Variants in CCR9 observed in about 807,000 individuals in gnomAD.
The protein encoded by CCR9 is C-C chemokine receptor type 9.
Under a neutral mutation model 8.7 loss-of-function variants are expected in CCR9, and 4 were observed. That is an observed-to-expected ratio of 0.46 (90% CI 0.23 to 1.06). The LOEUF (loss-of-function observed/expected upper bound fraction) is 1.06. Among genes scored for constraint, CCR9 ranks in the 50% least tolerant of loss-of-function variants. The pLI, the probability that CCR9 is intolerant of heterozygous loss-of-function variation, is 0.21. For missense variants in CCR9, 394 were observed against 453.6 expected (o/e 0.87, Z 1.19); for synonymous variants, 159 against 168.8 (o/e 0.94, Z 0.45).
intron 2 of CCR9, among the ~76,000 whole-genome samples, chr3:45,899,034 C>T (rs1702461461): frequency 6.6e-6 from 1 of 152,172 alleles, no homozygotes; most frequent in South Asian, 2.1e-4. Flanking sequence ...GGCATGGTGG[C>T]ACACGCCTGT....
At chr3:45,891,443 A>G (rs1263953762) in intron 1 of CCR9, among the ~76,000 whole-genome samples, 2 of 152,068 alleles carry the variant, frequency 1.3e-5, no homozygotes, top group African/African-American at 4.8e-5. Flanking sequence ...TTCTCTCTAT[A>G]TACATATGTT....
At chr3:45,896,503 G>T (rs1015262404) in intron 2 of CCR9, among the ~76,000 whole-genome samples, 4 of 152,210 alleles carry the variant, frequency 2.6e-5, no homozygotes, top group Non-Finnish European at 4.4e-5. Context: ...TTCCCTCAGC[G>T]TCACAGTAAA....
In CCR9 at chr3:45,902,336, G is replaced by A. The variant is rs908588026; in HGVS notation, c.*438G>A. ...CAAAAGCAGAAAGTTTCGTGAAAATGTCCATCTTTGGGAAATTTTCTACCC... is the reference window on the plus strand; with the variant it reads ...CAAAAGCAGAAAGTTTCGTGAAAATATCCATCTTTGGGAAATTTTCTACCC... On this transcript the variant is annotated 3_prime_UTR_variant, in exon 3 of 3. Transcript: ENST00000357632. 1.2e-5 allele frequency: 2 copies of A among 172,456 alleles called. No individual in the cohort carries two copies. Among genetic ancestry groups the A allele is most frequent in the Admixed American group, 1.3e-4 (2 of 15,910 alleles). 10.7% of individuals were successfully genotyped at this position (172,456 alleles called of 1,614,324 possible).
chr3:45,890,894 T>C (rs936998994), intron 1 of CCR9, among the ~76,000 whole-genome samples: 3 of 152,190 alleles, frequency 2.0e-5, no homozygotes, highest in African/African-American at 7.2e-5. Flanking sequence ...TGTTTAATGA[T>C]GAAAGAAATG....
chr3:45,888,859 G>GATA (rs1403649067), intron 1 of CCR9, among the ~76,000 whole-genome samples: 5 of 152,102 alleles, frequency 3.3e-5, no homozygotes, highest in African/African-American at 4.8e-5. Context: ...CTCTAGGGAG[G>GATA]GGTATGTCCT....
At chr3:45,893,467 C>T (rs1362023708) in intron 1 of CCR9, among the ~76,000 whole-genome samples, 1 of 152,158 alleles carries the variant, frequency 6.6e-6, no homozygotes, top group Non-Finnish European at 1.5e-5. Context: ...CTCCCCTTCT[C>T]TCTCTCTCTA....
chr3:45,895,934 C>A (rs575271576), intron 2 of CCR9, among the ~76,000 whole-genome samples: 2 of 152,130 alleles, frequency 1.3e-5, no homozygotes, highest in South Asian at 2.1e-4. Flanking sequence ...TCCTAGCAGG[C>A]GGGCTAACAA....
chr3:45,894,926 G>T lies in CCR9; in HGVS notation c.-8G>T. 1.2e-6 allele frequency: 2 copies of T among 1,613,982 alleles called. No homozygotes were observed. The highest frequency in any genetic ancestry group is 1.7e-6 in the Non-Finnish European group (2 of 1,179,922). On this transcript the variant is annotated 5_prime_UTR_variant, in exon 2 of 3. Transcript: ENST00000357632. ...TCCAGGAGCAGGCTTGCATCTGACT[G>T]ACCCACCATGACACCCACAGACTTC...
intron 2 of CCR9, chr3:45,897,683 A>C: frequency 1.3e-5 from 17 of 1,350,236 alleles, no homozygotes; most frequent in Non-Finnish European, 1.7e-5. Flanking sequence ...GCCCCCTCTC[A>C]TTTGTTCCCC....
chr3:45,895,036 G>C, intron 2 of CCR9, 82 bp downstream of exon 2: 1 of 1,373,292 alleles, frequency 7.3e-7, no homozygotes, highest in Non-Finnish European at 1.0e-6. Flanking sequence ...GATCCACTGT[G>C]GGGGAAGGAT....
At position 45,901,246 on chromosome 3, in the gene CCR9, G is replaced by C; in HGVS notation, c.458G>C (p.Arg153Thr). Residue 153 changes from arginine to threonine, a missense_variant, in exon 3 of 3, where the codon AGA (arginine) becomes ACA (threonine). Arg to Thr is a moderately conservative substitution (Grantham distance 71). Transcript: ENST00000357632. The surrounding 1 kb of genome is among the most constrained non-coding windows in gnomAD (Gnocchi z 4.3). ...TACATTGCCATTGCCCAGGCCATGA[G>C]AGCACATACTTGGAGGGAGAAAAGG... ...DRYIAIAQAM[R>T]AHTWREKRLL... 1 of 1,614,196 alleles carries C rather than the reference G, an allele frequency of 6.2e-7. No homozygotes were observed. The highest frequency in any genetic ancestry group is 2.2e-5 in the East Asian group (1 of 44,882).
rs775133539 is a variant in CCR9 at position 45,897,670 on chromosome 3, C to T, written c.21+2716C>T. The T allele has an allele frequency of 7.0e-5, 99 of 1,422,796 alleles. No homozygotes were observed. The Middle Eastern group carries it at 1.4e-3, about 20-fold the overall frequency. 88.1% of individuals were successfully genotyped at this position (1,422,796 alleles called of 1,614,324 possible). A position where few individuals can be genotyped will look rare whatever the true frequency, so the allele number is the denominator to read the frequency against. ...CAGCTAAGTGATGCTGGCCTTCCCA[C>T]CTGCCCCCTCTCATTTGTTCCCCAG... On this transcript the variant is annotated intron_variant, in intron 2 of 2. Transcript: ENST00000357632.
intron 2 of CCR9, among the ~76,000 whole-genome samples, chr3:45,898,629 C>G (rs1002440591): frequency 1.3e-5 from 2 of 152,290 alleles, no homozygotes; most frequent in African/African-American, 4.8e-5. Flanking sequence ...TCAGATTTTC[C>G]CAGTTGTCAT....
rs201821394 is a variant in CCR9 at position 45,894,959 on chromosome 3, G to C, written c.21+5G>C. The C allele has an allele frequency of 6.2e-7, 1 of 1,613,912 alleles. No individual in the cohort carries two copies. The highest frequency in any genetic ancestry group is 8.5e-7 in the Non-Finnish European group (1 of 1,179,812). ...ATGACACCCACAGACTTCACAGTGAGTACAGCCGTGCTCCTCTGGCTCCTC... is the reference window on the plus strand; with the variant it reads ...ATGACACCCACAGACTTCACAGTGACTACAGCCGTGCTCCTCTGGCTCCTC... On this transcript the variant is annotated splice_donor_5th_base_variant and intron_variant, in intron 2 of 2. Transcript: ENST00000357632.
chr3:45,889,010 G>T lies in CCR9; in HGVS notation c.-29+2355G>T, dbSNP rs1490615859. Among the ~76,000 whole-genome samples, 3 of 152,186 alleles carry T rather than the reference G, an allele frequency of 2.0e-5. No homozygotes were observed. The South Asian group carries it at 6.2e-4, about 32-fold the overall frequency. On this transcript the variant is annotated intron_variant, in intron 1 of 2. Coordinates refer to ENST00000357632, the MANE Select transcript of CCR9 (RefSeq NM_031200.3). ...TATTTGTTTATTTATTTTAGAGACAGGGTCTTGCTCTGTCACTCAGGCTGC... is the reference window on the plus strand; with the variant it reads ...TATTTGTTTATTTATTTTAGAGACATGGTCTTGCTCTGTCACTCAGGCTGC...
At chr3:45,893,155 C>T (rs542800540) in intron 1 of CCR9, among the ~76,000 whole-genome samples, 62 of 151,188 alleles carry the variant, frequency 4.1e-4, no homozygotes, top group African/African-American at 1.5e-3. Context: ...CTCTCTCTCT[C>T]TCTTTTTTTT....
chr3:45,897,359 G>C (rs772078703), intron 2 of CCR9, among the ~76,000 whole-genome samples: 1 of 152,130 alleles, frequency 6.6e-6, no homozygotes, highest in Non-Finnish European at 1.5e-5. Context: ...AACTAACTAA[G>C]TAACTTCATG....
intron 2 of CCR9, among the ~76,000 whole-genome samples, chr3:45,899,595 G>A (rs1702478143): frequency 6.6e-6 from 1 of 152,224 alleles, no homozygotes; most frequent in Non-Finnish European, 1.5e-5. Flanking sequence ...ATTTGGCAAG[G>A]AATGTCCCTC....
At chr3:45,897,726 C>A in intron 2 of CCR9, 5 of 792,052 alleles carry the variant, frequency 6.3e-6, no homozygotes, top group Non-Finnish European at 9.8e-6. Context: ...GCTTGTCCTT[C>A]TGCCAAGCAT....
Sources: gnomAD v4.1 joint callset for allele counts (sites outside exome capture counted in the v4.1 genomes callset) on GRCh38, gnomAD v4.1.1 for gene constraint, Gnocchi (gnomAD v3.1) non-coding constraint, MANE v1.5 for transcripts, NCBI Gene and HGNC (gene_info 2026-07-23, HGNC 2026-07-21) for gene names.